CDH6: variants seen among roughly 807,000 people sequenced by gnomAD.
The protein encoded by CDH6 is cadherin 6.
CDH6 carries 31 observed loss-of-function variants against 78.0 expected under a neutral mutation model. The ratio of observed to expected loss-of-function variants is 0.40; its 90% CI spans 0.30 to 0.54. The LOEUF is 0.54. CDH6 is among the 20% of genes least tolerant of loss of function. The probability of loss-of-function intolerance (pLI) is 0.56; values close to 1 mark genes in which losing one functional copy is unlikely to be tolerated. For synonymous variants in CDH6, 376 were observed against 368.8 expected (o/e 1.02, Z -0.23); for missense variants, 724 against 975.9 (o/e 0.74, Z 3.44).
chr5:31,259,556 T>C (rs2149929314), intron 1 of CDH6, among the ~76,000 whole-genome samples: 1 of 152,348 alleles, frequency 6.6e-6, no homozygotes, highest in East Asian at 1.9e-4. Context: ...AAAGAATTAA[T>C]GTAGCTGCCA....
chr5:31,229,051 G>T (rs1343823744), intron 1 of CDH6, among the ~76,000 whole-genome samples: 1 of 152,204 alleles, frequency 6.6e-6, no homozygotes, highest in East Asian at 1.9e-4. Context: ...ACACTGACAG[G>T]TCTAATTACC....
chr5:31,235,240 T>TTC (rs1741422076), intron 1 of CDH6, among the ~76,000 whole-genome samples: 1 of 148,134 alleles, frequency 6.8e-6, no homozygotes, highest in African/African-American at 2.5e-5. Flanking sequence ...CTTTTTCTTT[T>TTC]TTTTTTTTTT....
At chr5:31,317,083 G>C (rs1202725163) in intron 9 of CDH6, among the ~76,000 whole-genome samples, 1 of 152,148 alleles carries the variant, frequency 6.6e-6, no homozygotes, top group African/African-American at 2.4e-5. Flanking sequence ...TCTTGAGAGA[G>C]TTTGATTGTC....
In CDH6 at chr5:31,317,228, T is replaced by C. The variant is rs1008362412; in HGVS notation, c.1513-147T>C. The C allele has an allele frequency of 7.9e-5, 45 of 571,706 alleles. 2 individuals are homozygous for C. In the South Asian group the frequency reaches 9.3e-4, roughly 12 times the overall value. The allele number at this position is 571,706 out of a possible 1,614,324, so 35.4% of individuals were successfully genotyped here. A position where few individuals can be genotyped will look rare whatever the true frequency, so the allele number is the denominator to read the frequency against. ...TGCCCTTTGGCTTTCTAACCCATAATAGAGCAGATTCACTGTATATTACTT... is the reference window on the plus strand; with the variant it reads ...TGCCCTTTGGCTTTCTAACCCATAACAGAGCAGATTCACTGTATATTACTT... On this transcript the variant is annotated intron_variant, in intron 9 of 11. Coordinates refer to ENST00000265071, the MANE Select transcript of CDH6 (RefSeq NM_004932.4).
intron 1 of CDH6, among the ~76,000 whole-genome samples, chr5:31,216,111 A>T (rs569250393): frequency 6.6e-6 from 1 of 152,044 alleles, no homozygotes; most frequent in Admixed American, 6.6e-5. Context: ...CATTCAATGA[A>T]GTTTTGGAAC....
At position 31,297,317 on chromosome 5, in the gene CDH6, G is replaced by T. The variant is rs143211210; in HGVS notation, c.552G>T (p.Thr184=). Residue 184 remains threonine, a synonymous_variant, in exon 4 of 12, where the codon ACG becomes ACT. Coordinates refer to ENST00000265071, the MANE Select transcript of CDH6 (RefSeq NM_004932.4). ...CATTTGTTGTCCAAGTCACTGCGAC[G>T]GATGCAGATGATCCAACATATGGGA... is the stretch of plus-strand genomic sequence containing the variant. ...VGTFVVQVTA[T]DADDPTYGNS... 3 of 1,609,962 alleles carry T rather than the reference G, an allele frequency of 1.9e-6. No individual in the cohort carries two copies. Among genetic ancestry groups the T allele is most frequent in the Non-Finnish European group, 2.5e-6 (3 of 1,176,512 alleles).
chr5:31,267,360 C>G lies in CDH6; in HGVS notation c.-114C>G. Reference sequence around the variant, plus strand: ...ATTCTTTCCAGATATCCTCTGAGAGCCAAGCAAAGAACATTAAGGAAGGAA... The same window carrying G: ...ATTCTTTCCAGATATCCTCTGAGAGGCAAGCAAAGAACATTAAGGAAGGAA... On this transcript the variant is annotated 5_prime_UTR_variant, in exon 2 of 12. Transcript: ENST00000265071. The G allele has an allele frequency of 2.7e-6, 2 of 731,346 alleles. No individual in the cohort carries two copies. Among genetic ancestry groups the G allele is most frequent in the South Asian group, 3.5e-5 (2 of 57,032 alleles). The allele number at this position is 731,346 out of a possible 1,614,324, so 45.3% of individuals were successfully genotyped here.
intron 1 of CDH6, among the ~76,000 whole-genome samples, chr5:31,243,231 A>G (rs1341328115): frequency 6.6e-6 from 1 of 152,120 alleles, no homozygotes; most frequent in Admixed American, 6.5e-5. Context: ...GTCGGCCGCT[A>G]GATACAGGTC....
intron 1 of CDH6, among the ~76,000 whole-genome samples, chr5:31,259,165 C>T (rs1250513728): frequency 6.6e-6 from 1 of 152,164 alleles, no homozygotes; most frequent in Non-Finnish European, 1.5e-5. Flanking sequence ...ATGAATTAGA[C>T]ATCATGTAAT....
chr5:31,229,836 G>A (rs1741267880), intron 1 of CDH6, among the ~76,000 whole-genome samples: 1 of 152,188 alleles, frequency 6.6e-6, no homozygotes, highest in Non-Finnish European at 1.5e-5. Context: ...ATTACGGGCT[G>A]AGGCTTTTTG....
intron 1 of CDH6, among the ~76,000 whole-genome samples, chr5:31,263,441 CT>C (rs35835971): frequency 0.04 from 4,108 of 103,588 alleles, 113 homozygotes; most frequent in South Asian, 0.18. Flanking sequence ...TTTTTGGGGT[CT>C]TTTTTTTTTT....
In CDH6 at chr5:31,324,002, G is replaced by A. The variant is rs1203983097; in HGVS notation, c.*694G>A. 2.0e-5 allele frequency: 4 copies of A among 198,838 alleles called. No homozygotes were observed. The East Asian group carries it at 2.7e-4, about 14-fold the overall frequency. 12.3% of individuals were successfully genotyped at this position (198,838 alleles called of 1,614,324 possible). A position where few individuals can be genotyped will look rare whatever the true frequency, so the allele number is the denominator to read the frequency against. ...TCATAGTTTGTTATATCCTAGACTA[G>A]ACATGCGAAAGTTTGCCTTTGTACC... On this transcript the variant is annotated 3_prime_UTR_variant, in exon 12 of 12. Coordinates refer to ENST00000265071, the MANE Select transcript of CDH6 (RefSeq NM_004932.4).
chr5:31,236,232 G>T (rs918994285), intron 1 of CDH6, among the ~76,000 whole-genome samples: 5 of 152,098 alleles, frequency 3.3e-5, no homozygotes, highest in African/African-American at 1.2e-4. Context: ...GAAAATTAAT[G>T]GGAAAATTTG....
rs1034830193 is a variant in CDH6 at position 31,324,058 on chromosome 5, G to A, written c.*750G>A. 8.9e-6 allele frequency: 2 copies of A among 223,922 alleles called. No individual in the cohort carries two copies. Among genetic ancestry groups the A allele is most frequent in the African/African-American group, 2.2e-5 (1 of 44,876 alleles). 13.9% of individuals were successfully genotyped at this position (223,922 alleles called of 1,614,324 possible). On this transcript the variant is annotated 3_prime_UTR_variant, in exon 12 of 12. Transcript: ENST00000265071. ...AAGGGGGAGGGAAATAGCTAATAAT[G>A]TTAACCAAGGAAATATATTTTACCA... is the stretch of plus-strand genomic sequence containing the variant.
intron 1 of CDH6, among the ~76,000 whole-genome samples, chr5:31,228,716 C>T (rs1404863611): frequency 6.6e-6 from 1 of 152,198 alleles, no homozygotes; most frequent in Non-Finnish European, 1.5e-5. Flanking sequence ...GCGCAGTTCA[C>T]AATAGGGTTC....
chr5:31,204,656 T>C (rs1740463314), intron 1 of CDH6, among the ~76,000 whole-genome samples: 1 of 152,192 alleles, frequency 6.6e-6, no homozygotes, highest in African/African-American at 2.4e-5. Context: ...TTTAAATGGC[T>C]TTTTTCTCTT....
chr5:31,276,831 T>A (rs1234584796), intron 2 of CDH6, among the ~76,000 whole-genome samples: 4 of 152,178 alleles, frequency 2.6e-5, no homozygotes, highest in East Asian at 3.8e-4. Flanking sequence ...CATAAAATTA[T>A]TGAGGTGAGA....
At chr5:31,316,081 G>A in intron 8 of CDH6, 127 bp from the exon 9 acceptor site, 1 of 963,392 alleles carries the variant, frequency 1.0e-6, no homozygotes, top group Non-Finnish European at 1.5e-6. Flanking sequence ...GGTACTTAAT[G>A]CCCAGTAGTA....
intron 1 of CDH6, among the ~76,000 whole-genome samples, chr5:31,210,076 T>TTCTGTGTGTGTGTG (rs1554002608): frequency 8.2e-5 from 12 of 146,566 alleles, no homozygotes; most frequent in African/African-American, 3.0e-4. Context: ...TTTTCTTAAA[T>TTCTGTGTGTGTGTG]TGTGTGTGTG....
Sources: gnomAD v4.1 joint callset for allele counts (sites outside exome capture counted in the v4.1 genomes callset) on GRCh38, gnomAD v4.1.1 for gene constraint, MANE v1.5 for transcripts, NCBI Gene and HGNC (gene_info 2026-07-23, HGNC 2026-07-21) for gene names.